ANKFN1: variants seen among roughly 807,000 people sequenced by gnomAD.
The protein encoded by ANKFN1 is ankyrin repeat and fibronectin type-III domain-containing protein 1.
A neutral mutation model predicts 108.7 loss-of-function variants in ANKFN1; 74 were observed. The ratio of observed to expected loss-of-function variants is 0.68; its 90% CI spans 0.56 to 0.83. ANKFN1 has a LOEUF of 0.83. Among genes scored for constraint, ANKFN1 ranks in the 40% least tolerant of loss-of-function variants. The pLI, the probability that ANKFN1 is intolerant of heterozygous loss-of-function variation, is 0.00. For synonymous variants in ANKFN1, 547 were observed against 516.2 expected, an observed-to-expected ratio of 1.06 and a Z score of -0.81; for missense variants, 1,505 against 1,382.3, an observed-to-expected ratio of 1.09 and a Z score of -1.41.
intron 1 of ANKFN1, among the ~76,000 whole-genome samples, chr17:56,188,847 G>A (rs1048349489): frequency 3.3e-5 from 5 of 151,634 alleles, no homozygotes; most frequent in East Asian, 3.9e-4. Context: ...CAGGATGGGG[G>A]CTAGTCACCA....
chr17:56,344,324 T>C (rs1598433270), intron 4 of ANKFN1, among the ~76,000 whole-genome samples: 1 of 151,942 alleles, frequency 6.6e-6, no homozygotes, highest in Non-Finnish European at 1.5e-5. Context: ...TAGTGGTGAG[T>C]TAATGATTGA....
intron 1 of ANKFN1, among the ~76,000 whole-genome samples, chr17:56,201,965 T>A (rs1027982503): frequency 1.3e-5 from 2 of 152,168 alleles, no homozygotes; most frequent in Non-Finnish European, 2.9e-5. Context: ...GGAGGATATG[T>A]CCATGGGAGC....
At chr17:56,177,805 TTTTTG>T (rs139512442) in intron 1 of ANKFN1, among the ~76,000 whole-genome samples, 47,728 of 151,482 alleles carry the variant, frequency 0.32, 8,874 homozygotes, top group East Asian at 0.5. Context: ...TTTGTTTTTG[TTTTTG>T]TTTTGTTTTG....
rs1353895811 is a variant in ANKFN1, at chr17:56,515,302, G to A, written c.*4033G>A. On this transcript the variant is annotated 3_prime_UTR_variant, in exon 21 of 21. Transcript: ENST00000682825. ...CACATACCAATTAGAGAAGGTAGCT[G>A]TAGATTAACAAAGGAACACTCTCTG... 6.6e-6 allele frequency among the ~76,000 whole-genome samples: 1 copy of A among 152,190 alleles called. No homozygotes were observed. Among genetic ancestry groups the A allele is most frequent in the African/African-American group, 2.4e-5 (1 of 41,438 alleles).
chr17:56,462,438 T>C lies in ANKFN1; in HGVS notation c.1558-3918T>C, dbSNP rs1038276974. The stretch of plus-strand genomic sequence containing the variant: ...GGACAAACCCCGTCTCTACTAAAAA[T>C]ACAAAATTAGCTGGGCGTGGTGGCG... On this transcript the variant is annotated intron_variant, in intron 14 of 20. Transcript: ENST00000682825. 6.6e-5 allele frequency among the ~76,000 whole-genome samples: 10 copies of C among 152,020 alleles called. No homozygotes were observed. The East Asian group carries it at 1.9e-3, about 29-fold the overall frequency.
intron 4 of ANKFN1, among the ~76,000 whole-genome samples, chr17:56,100,997 G>A (rs1392921301): frequency 6.6e-6 from 1 of 152,026 alleles, no homozygotes; most frequent in Non-Finnish European, 1.5e-5. Context: ...TAGGGCCTTT[G>A]GGACGTAATC....
chr17:56,412,574 C>A (rs2048124489), intron 8 of ANKFN1, among the ~76,000 whole-genome samples: 1 of 152,204 alleles, frequency 6.6e-6, no homozygotes. Context: ...ACTGGCTGAT[C>A]TTCTGGCCTT....
Position 56,300,706 on chromosome 17 carries a change from G to C in ANKFN1, c.54-25515G>C, listed in dbSNP as rs79219161. 8.5e-3 allele frequency among the ~76,000 whole-genome samples: 1,289 copies of C among 151,944 alleles called. 15 individuals carry two copies. Among genetic ancestry groups the C allele is most frequent in the African/African-American group, 0.029 (1,188 of 41,412 alleles). ...ATTTGAGAAAATGTCATCTTTCACT[G>C]CTGCTCCTAAGGTTGATAGGAAGAT... On this transcript the variant is annotated intron_variant, in intron 3 of 20. Coordinates refer to ENST00000682825, the MANE Select transcript of ANKFN1 (RefSeq NM_001370326.1).
Position 56,274,428 on chromosome 17 carries a change from G to C in ANKFN1, c.53+46471G>C, listed in dbSNP as rs573444874. Among the ~76,000 whole-genome samples the C allele has an allele frequency of 5.3e-5, 8 of 152,184 alleles. 1 individual carries two copies. The East Asian group carries it at 1.5e-3, about 29-fold the overall frequency. On this transcript the variant is annotated intron_variant, in intron 3 of 20. Transcript: ENST00000682825. Reference sequence around the variant, plus strand: ...GCGGAGCTTGCAGTGAGCTGAGATCGCGCCACTACACTCCAGCCTGGGCGA... The same window carrying C: ...GCGGAGCTTGCAGTGAGCTGAGATCCCGCCACTACACTCCAGCCTGGGCGA...
rs2050077184 is a variant in ANKFN1 at position 56,466,519 on chromosome 17, T to A, written c.1721T>A (p.Leu574Gln). 2 of 1,613,982 alleles carry A rather than the reference T, an allele frequency of 1.2e-6. No individual in the cohort carries two copies. Among genetic ancestry groups the A allele is most frequent in the East Asian group, 4.5e-5 (2 of 44,840 alleles). ...AAGCTGCAAAGCCAGAGAAAGTCTC[T>A]ATCAACACCTGAGGAGCCAACAGCT... ...ISKLQSQRKS[L>Q]STPEEPTALD... Residue 574 changes from leucine (L) to glutamine (Q), a missense_variant, in exon 15 of 21, where the codon CTA (leucine) becomes CAA (glutamine). Coordinates refer to ENST00000682825, the MANE Select transcript of ANKFN1 (RefSeq NM_001370326.1).
chr17:56,468,598 G>A (rs754196428), intron 15 of ANKFN1, among the ~76,000 whole-genome samples: 20 of 150,752 alleles, frequency 1.3e-4, no homozygotes, highest in Middle Eastern at 3.4e-3. Flanking sequence ...CTGACCTTCC[G>A]TCCTGGGAGC....
At chr17:56,457,001 A>G in intron 12 of ANKFN1, 41 bp downstream of exon 12, 1 of 1,560,214 alleles carries the variant, frequency 6.4e-7, no homozygotes, top group African/African-American at 1.4e-5. Context: ...TTAACTTTTC[A>G]AGAATGCACT....
intron 1 of ANKFN1, among the ~76,000 whole-genome samples, chr17:56,164,076 A>G (rs868048463): frequency 9.9e-5 from 15 of 152,176 alleles, no homozygotes; most frequent in African/African-American, 3.6e-4. Context: ...TGGACCCCCA[A>G]GGCCTCTCAT....
intron 16 of ANKFN1, among the ~76,000 whole-genome samples, chr17:56,478,215 C>T (rs1408995125): frequency 6.6e-6 from 1 of 152,228 alleles, no homozygotes; most frequent in African/African-American, 2.4e-5. Flanking sequence ...TGTCCTTTCA[C>T]ATTCCCCTCT....
intron 1 of ANKFN1, among the ~76,000 whole-genome samples, chr17:56,159,249 T>C (rs1274980865): frequency 6.6e-6 from 1 of 152,214 alleles, no homozygotes; most frequent in Non-Finnish European, 1.5e-5. Context: ...CATTTTGTTT[T>C]GTGTTTACTT....
At chr17:56,326,931 T>G (rs1251888418) in intron 4 of ANKFN1, among the ~76,000 whole-genome samples, 5 of 152,192 alleles carry the variant, frequency 3.3e-5, no homozygotes, top group African/African-American at 1.2e-4. Flanking sequence ...AGGGAATCAA[T>G]GGACATGTAT....
rs191702331 is a variant in ANKFN1 at position 56,340,295 on chromosome 17, C to T, written c.189-10471C>T. Among the ~76,000 whole-genome samples, 599 of 152,186 alleles carry T rather than the reference C, an allele frequency of 3.9e-3. 6 individuals carry two copies. Among genetic ancestry groups the T allele is most frequent in the African/African-American group, 0.014 (583 of 41,538 alleles). On this transcript the variant is annotated intron_variant, in intron 4 of 20. Coordinates refer to ENST00000682825, the MANE Select transcript of ANKFN1 (RefSeq NM_001370326.1). ...GATAGTTTCTTTTGCTGTGCAGAAG[C>T]TCTTTAGTTTAATTAGATCCCACTT...
intron 20 of ANKFN1, among the ~76,000 whole-genome samples, chr17:56,505,393 A>G (rs1050125183): frequency 6.6e-6 from 1 of 152,252 alleles, no homozygotes; most frequent in Non-Finnish European, 1.5e-5. Flanking sequence ...GAGGTTACTA[A>G]TACAATGATG....
chr17:56,471,414 G>A (rs1182591885), intron 15 of ANKFN1: 1 of 152,200 alleles, frequency 6.6e-6, no homozygotes, highest in Non-Finnish European at 1.5e-5. Flanking sequence ...CACCCTAGGT[G>A]CCCAGGACCT....
Sources: allele counts gnomAD v4.1 joint callset (sites outside exome capture counted in the v4.1 genomes callset), GRCh38; gene constraint gnomAD v4.1.1; transcripts MANE v1.5; gene names NCBI Gene and HGNC (gene_info 2026-07-23, HGNC 2026-07-21).